The following TTC6 variants were observed in gnomAD, a reference collection of about 807,000 sequenced individuals.
TTC6 encodes the protein tetratricopeptide repeat protein 6.
A neutral mutation model predicts 210.4 loss-of-function variants in TTC6; 172 were observed. The ratio of observed to expected loss-of-function variants is 0.82; its 90% CI spans 0.72 to 0.93. TTC6 has a LOEUF of 0.93. Ranked by LOEUF, TTC6 falls within the 40% of genes least tolerant of loss-of-function variation. The pLI is 0.00. For missense variants in TTC6, 2,414 were observed against 2,318.1 expected (o/e 1.04, Z -0.85); for synonymous variants, 804 against 819.6 (o/e 0.98, Z 0.32).
At chr14:37,628,905 T>C (rs894892369) in intron 1 of TTC6, among the ~76,000 whole-genome samples, 2 of 152,192 alleles carry the variant, frequency 1.3e-5, no homozygotes, top group African/African-American at 4.8e-5. Flanking sequence ...TTGTCAAAGG[T>C]CAGATGGTTG....
chr14:37,808,659 A>T, intron 23 of TTC6, 74 bp from the exon 26 acceptor site: 1 of 785,286 alleles, frequency 1.3e-6, no homozygotes, highest in Non-Finnish European at 2.0e-6. Context: ...TGATAGAAAC[A>T]AGAATTTATT....
chr14:37,842,556 A>G, downstream of TTC6: 1 of 256,986 alleles, frequency 3.9e-6, no homozygotes. Flanking sequence ...AAGGAATTAA[A>G]TAGGAATGTC....
At chr14:37,732,764 C>T (rs917706438) in intron 7 of TTC6, among the ~76,000 whole-genome samples, 13 of 142,762 alleles carry the variant, frequency 9.1e-5, no homozygotes, top group Admixed American at 6.6e-4. Context: ...ACTACAGGCG[C>T]CCGCCACCAC....
intron 13 of TTC6, 46 bp downstream of exon 15, chr14:37,751,271 G>C (rs2098755794): frequency 4.4e-6 from 6 of 1,370,936 alleles, no homozygotes; most frequent in Non-Finnish European, 5.8e-6. Context: ...AGTTTAGATT[G>C]CGATATCCTC....
intron 7 of TTC6, among the ~76,000 whole-genome samples, chr14:37,733,197 T>C (rs1343698310): frequency 6.6e-6 from 1 of 152,200 alleles, no homozygotes; most frequent in African/African-American, 2.4e-5. Context: ...ATTTACCCCT[T>C]CTTGACTTAC....
chr14:37,779,800 G>A (rs1005235006), intron 14 of TTC6, among the ~76,000 whole-genome samples: 5 of 152,146 alleles, frequency 3.3e-5, no homozygotes, highest in African/African-American at 1.2e-4. Flanking sequence ...GAACAAAAAG[G>A]TTAATTGAAG....
intron 1 of TTC6, among the ~76,000 whole-genome samples, chr14:37,663,976 T>G (rs780602710): frequency 3.9e-4 from 55 of 139,360 alleles, no homozygotes; most frequent in Non-Finnish European, 1.0e-4. Flanking sequence ...AGGAGAACTA[T>G]AAACCACTGC....
chr14:37,842,161 C>T, exon 31 of TTC6: 2 of 1,557,676 alleles, frequency 1.3e-6, no homozygotes, highest in Non-Finnish European at 1.7e-6. Context: ...GCAGCCCTGT[C>T]TTTGAAGCCT....
At chr14:37,606,173 A>C (rs1032222937) in intron 1 of TTC6, among the ~76,000 whole-genome samples, 1 of 152,050 alleles carries the variant, frequency 6.6e-6, no homozygotes, top group African/African-American at 2.4e-5. Context: ...GCCAGGGAGA[A>C]CCCTAAGGCA....
exon 1 of TTC6, chr14:37,622,253 G>A: frequency 6.5e-7 from 1 of 1,535,172 alleles, no homozygotes; most frequent in Non-Finnish European, 8.7e-7. Context: ...CCCGCCCCGC[G>A]CGCGTTTCCT....
At chr14:37,819,729 A>C (rs2096151069) in intron 26 of TTC6, among the ~76,000 whole-genome samples, 1 of 152,138 alleles carries the variant, frequency 6.6e-6, no homozygotes, top group Non-Finnish European at 1.5e-5. Flanking sequence ...TGAGTCTTTA[A>C]CTCTTCAAGC....
At chr14:37,841,458 T>A in exon 30 of TTC6, 1 of 1,588,948 alleles carries the variant, frequency 6.3e-7, no homozygotes. Context: ...AGTGACTACT[T>A]CTCAAAAGCT....
At chr14:37,715,084 A>G (rs1292693349) in intron 6 of TTC6, among the ~76,000 whole-genome samples, 1 of 152,036 alleles carries the variant, frequency 6.6e-6, no homozygotes, top group East Asian at 1.9e-4. Flanking sequence ...TGAGGGAATC[A>G]CTTGAGCCCA....
intron 5 of TTC6, among the ~76,000 whole-genome samples, chr14:37,703,071 T>C (rs1934850299): frequency 6.6e-6 from 1 of 152,084 alleles, no homozygotes; most frequent in Admixed American, 6.6e-5. Context: ...CATGACATTC[T>C]TTGGAATATA....
At chr14:37,785,318 T>C (rs1255207264) in intron 14 of TTC6, among the ~76,000 whole-genome samples, 1 of 152,196 alleles carries the variant, frequency 6.6e-6, no homozygotes, top group Non-Finnish European at 1.5e-5. Context: ...GCTTTGTTTA[T>C]TTCTTTTTAC....
intron 1 of TTC6, among the ~76,000 whole-genome samples, chr14:37,670,229 T>C (rs1158612309): frequency 6.6e-6 from 1 of 152,202 alleles, no homozygotes; most frequent in East Asian, 1.9e-4. Context: ...ATGACAAGTC[T>C]TGCCTACAGA....
intron 5 of TTC6, among the ~76,000 whole-genome samples, chr14:37,706,914 G>T (rs1170794964): frequency 1.3e-5 from 2 of 151,694 alleles, no homozygotes; most frequent in Non-Finnish European, 2.9e-5. Context: ...TTTCTGATAG[G>T]TTTTTTTCTA....
intron 14 of TTC6, among the ~76,000 whole-genome samples, chr14:37,785,857 A>T (rs981199684): frequency 3.3e-5 from 5 of 152,178 alleles, no homozygotes; most frequent in Non-Finnish European, 7.3e-5. Context: ...CAGGACCCTC[A>T]GCTGCAGGTC....
chr14:37,825,275 T>C (rs1379957896), intron 27 of TTC6, among the ~76,000 whole-genome samples: 1 of 152,174 alleles, frequency 6.6e-6, no homozygotes, highest in East Asian at 1.9e-4. Flanking sequence ...TTTGCCTGAT[T>C]CCTTGTTTAT....
Sources: gnomAD v4.1 joint callset for allele counts (sites outside exome capture counted in the v4.1 genomes callset) on GRCh38, gnomAD v4.1.1 for gene constraint, MANE v1.5 for transcripts, NCBI Gene and HGNC (gene_info 2026-07-23, HGNC 2026-07-21) for gene names.